The following RUNDC3B variants were observed in gnomAD, a reference collection of about 807,000 sequenced individuals.
The protein encoded by RUNDC3B is RUN domain-containing protein 3B.
A neutral mutation model predicts 58.4 loss-of-function variants in RUNDC3B; 33 were observed. The observed-to-expected ratio is 0.56, with a 90% CI of 0.43 to 0.75. The LOEUF is 0.75. Ranked by LOEUF, RUNDC3B falls within the 30% of genes least tolerant of loss-of-function variation. The probability of loss-of-function intolerance (pLI) is 0.00; values close to 1 mark genes in which losing one functional copy is unlikely to be tolerated. For missense variants in RUNDC3B, 501 were observed against 535.7 expected (o/e 0.94, Z 0.64); for synonymous variants, 193 against 195.2 (o/e 0.99, Z 0.10).
intron 1 of RUNDC3B, among the ~76,000 whole-genome samples, chr7:87,640,476 T>G (rs747702259): frequency 3.0e-4 from 45 of 152,026 alleles, no homozygotes; most frequent in Non-Finnish European, 6.0e-4. Context: ...CCTGAGTAGC[T>G]AGGACTGCAG....
intron 6 of RUNDC3B, among the ~76,000 whole-genome samples, chr7:87,769,166 A>AT (rs77945268): frequency 0.038 from 5,194 of 135,052 alleles, 131 homozygotes; most frequent in African/African-American, 0.065. Context: ...ACGCCCAGCT[A>AT]TTTTTTTTTT....
At chr7:87,723,071 G>A (rs1197861833) in intron 4 of RUNDC3B, among the ~76,000 whole-genome samples, 2 of 152,056 alleles carry the variant, frequency 1.3e-5, no homozygotes, top group East Asian at 3.8e-4. Context: ...AAAAATAAAA[G>A]ATTGAAACAA....
rs987320733 is a variant in RUNDC3B at position 87,674,368 on chromosome 7, G to T, written c.238+23431G>T. On this transcript the variant is annotated intron_variant, in intron 2 of 10. Transcript: ENST00000394654. ...TGGCAGGAGCAGGGTGCTGGCAGGG[G>T]TGTGGTTGCTGGTATCATTGTGTGC... 8.5e-5 allele frequency among the ~76,000 whole-genome samples: 13 copies of T among 152,140 alleles called. 1 individual carries two copies. Among genetic ancestry groups the T allele is most frequent in the Admixed American group, 8.5e-4 (13 of 15,276 alleles).
intron 1 of RUNDC3B, among the ~76,000 whole-genome samples, chr7:87,648,445 G>A (rs1584997272): frequency 1.3e-5 from 2 of 151,978 alleles, no homozygotes; most frequent in East Asian, 3.9e-4. Flanking sequence ...ACATTAAAGG[G>A]CTTCTCAGAG....
At chr7:87,764,234 G>T (rs544293950) in intron 6 of RUNDC3B, among the ~76,000 whole-genome samples, 1 of 151,798 alleles carries the variant, frequency 6.6e-6, no homozygotes, top group African/African-American at 2.4e-5. Flanking sequence ...TAAGACATGT[G>T]TAAGACTTGC....
intron 5 of RUNDC3B, among the ~76,000 whole-genome samples, chr7:87,741,127 C>G (rs1290782654): frequency 6.6e-6 from 1 of 151,694 alleles, no homozygotes; most frequent in Non-Finnish European, 1.5e-5. Context: ...ATCGCTGGAA[C>G]CCGGGAGGCA....
rs1454993796 is a variant in RUNDC3B, at chr7:87,830,678, C to T, written c.*648C>T. 4 of 151,352 alleles carry T rather than the reference C, an allele frequency of 2.6e-5. No individual in the cohort carries two copies. Among genetic ancestry groups the T allele is most frequent in the African/African-American group, 9.7e-5 (4 of 41,210 alleles). 9.4% of individuals were successfully genotyped at this position (151,352 alleles called of 1,614,324 possible). A position where few individuals can be genotyped will look rare whatever the true frequency, so the allele number is the denominator to read the frequency against. ...TTACTGACTTAATTTGTTAGTGCCA[C>T]AAGGAAAATATTTTACAGTATTTTA... On this transcript the variant is annotated 3_prime_UTR_variant, in exon 11 of 11. Transcript: ENST00000394654.
At chr7:87,731,984 A>G (rs1831605632) in intron 4 of RUNDC3B, among the ~76,000 whole-genome samples, 1 of 152,206 alleles carries the variant, frequency 6.6e-6, no homozygotes, top group African/African-American at 2.4e-5. Context: ...TCCTCAGCCC[A>G]TGGATCATTT....
intron 6 of RUNDC3B, among the ~76,000 whole-genome samples, chr7:87,752,255 T>C (rs1202272183): frequency 6.6e-6 from 1 of 152,204 alleles, no homozygotes; most frequent in Non-Finnish European, 1.5e-5. Context: ...AGCTTTTTGA[T>C]GTGCTGCTGG....
chr7:87,765,488 A>G lies in RUNDC3B; in HGVS notation c.630-5093A>G, dbSNP rs555066265. Among the ~76,000 whole-genome samples, 52 of 152,038 alleles carry G rather than the reference A, an allele frequency of 3.4e-4. No homozygotes were observed. The South Asian group carries it at 0.011, about 31-fold the overall frequency. On this transcript the variant is annotated intron_variant, in intron 6 of 10. Coordinates refer to ENST00000394654, the MANE Select transcript of RUNDC3B (RefSeq NM_001134405.2). ...TTTGCCATATCCCAGAGGTTTTGGT[A>G]TATTATGTCTCTTTTCATTTGTTTC...
At chr7:87,768,795 T>C (rs1834113163) in intron 6 of RUNDC3B, among the ~76,000 whole-genome samples, 1 of 152,150 alleles carries the variant, frequency 6.6e-6, no homozygotes, top group African/African-American at 2.4e-5. Flanking sequence ...TCAACACTCT[T>C]ATCTCAACTT....
At chr7:87,724,062 A>T (rs1391027529) in intron 4 of RUNDC3B, among the ~76,000 whole-genome samples, 4 of 152,146 alleles carry the variant, frequency 2.6e-5, no homozygotes, top group Non-Finnish European at 5.9e-5. Flanking sequence ...TCTGTAAAAA[A>T]AAATTTAAAA....
intron 4 of RUNDC3B, among the ~76,000 whole-genome samples, chr7:87,739,168 G>C (rs1272678579): frequency 2.0e-5 from 3 of 151,816 alleles, no homozygotes; most frequent in Non-Finnish European, 4.4e-5. Flanking sequence ...AGCTTTACAG[G>C]AATTAACAAA....
intron 7 of RUNDC3B, among the ~76,000 whole-genome samples, chr7:87,771,838 G>A (rs545859773): frequency 6.6e-6 from 1 of 152,300 alleles, no homozygotes; most frequent in Non-Finnish European, 1.5e-5. Flanking sequence ...TGTAGAGAAA[G>A]CTTGATTACA....
At chr7:87,758,533 G>C (rs1363060734) in intron 6 of RUNDC3B, among the ~76,000 whole-genome samples, 1 of 152,154 alleles carries the variant, frequency 6.6e-6, no homozygotes, top group Non-Finnish European at 1.5e-5. Flanking sequence ...ACATAGTGAA[G>C]AGACAACACA....
At chr7:87,649,219 CAT>C (rs1276309950) in intron 1 of RUNDC3B, among the ~76,000 whole-genome samples, 1 of 152,142 alleles carries the variant, frequency 6.6e-6, no homozygotes, top group Non-Finnish European at 1.5e-5. Flanking sequence ...TGAATCTACA[CAT>C]GTTAAAACCC....
At chr7:87,762,927 G>C (rs1440126797) in intron 6 of RUNDC3B, among the ~76,000 whole-genome samples, 1 of 151,110 alleles carries the variant, frequency 6.6e-6, no homozygotes, top group Non-Finnish European at 1.5e-5. Context: ...AAGTGCTTAA[G>C]ATATTTACTG....
intron 1 of RUNDC3B, among the ~76,000 whole-genome samples, chr7:87,642,313 A>T (rs1480866057): frequency 1.3e-5 from 2 of 152,046 alleles, no homozygotes; most frequent in Non-Finnish European, 2.9e-5. Flanking sequence ...AACCATGAAG[A>T]CTATATGTTA....
Position 87,750,718 on chromosome 7 carries a change from A to G in RUNDC3B, c.629+9139A>G, listed in dbSNP as rs898147543. On this transcript the variant is annotated intron_variant, in intron 6 of 10. Transcript: ENST00000394654. Reference sequence around the variant, plus strand: ...GTTCATGTCCTTCGCCCACTTTTTGATGGGGTTGTTTGTTTTTTTCTTGTA... The same window carrying G: ...GTTCATGTCCTTCGCCCACTTTTTGGTGGGGTTGTTTGTTTTTTTCTTGTA... Among the ~76,000 whole-genome samples, 406 of 149,676 alleles carry G rather than the reference A, an allele frequency of 2.7e-3. 3 individuals carry two copies. Among genetic ancestry groups the G allele is most frequent in the African/African-American group, 9.5e-3 (385 of 40,646 alleles).
Sources: gnomAD v4.1 joint callset for allele counts (sites outside exome capture counted in the v4.1 genomes callset) on GRCh38, gnomAD v4.1.1 for gene constraint, MANE v1.5 for transcripts, NCBI Gene and HGNC (gene_info 2026-07-23, HGNC 2026-07-21) for gene names.